Variants in DDX6 observed in about 807,000 individuals in gnomAD.
The protein encoded by DDX6 is probable ATP-dependent RNA helicase DDX6.
A neutral mutation model predicts 60.6 loss-of-function variants in DDX6; 7 were observed. That is an observed-to-expected ratio of 0.12 (90% CI 0.07 to 0.22). The LOEUF (loss-of-function observed/expected upper bound fraction) is 0.22, where lower values mean the gene tolerates loss of function less well. Ranked by LOEUF, DDX6 falls within the 10% of genes least tolerant of loss-of-function variation. DDX6 has a pLI of 1.00. For synonymous variants in DDX6, 207 were observed against 201.0 expected, an observed-to-expected ratio of 1.03 and a Z score of -0.25; for missense variants, 270 against 589.9, an observed-to-expected ratio of 0.46 and a Z score of 5.62.
At chr11:118,783,391 G>A (rs1861967094) in intron 2 of DDX6, among the ~76,000 whole-genome samples, 1 of 152,144 alleles carries the variant, frequency 6.6e-6, no homozygotes, top group African/African-American at 2.4e-5. Flanking sequence ...GTCTTGCTAT[G>A]TTGCCCAGGT....
chr11:118,766,988 C>G lies in DDX6; in HGVS notation c.499+1235G>C, dbSNP rs566662457. ...GCAACCTCCACCTCCCAGGTTCAAG[C>G]AATTCTCCTGCCTCAGCCTCCTTGA... On this transcript the variant is annotated intron_variant, in intron 5 of 13. Transcript: ENST00000534980. Among the ~76,000 whole-genome samples, 55 of 151,946 alleles carry G rather than the reference C, an allele frequency of 3.6e-4. No homozygotes were observed. In the South Asian group the frequency reaches 0.011, roughly 31 times the overall value.
At chr11:118,776,764 C>T (rs1309469867) in intron 4 of DDX6, among the ~76,000 whole-genome samples, 2 of 149,546 alleles carry the variant, frequency 1.3e-5, no homozygotes, top group South Asian at 2.1e-4. Context: ...ACCCAGGAGT[C>T]GGAGATTGCA....
chr11:118,754,012 C>T (rs1051205984), intron 13 of DDX6, among the ~76,000 whole-genome samples: 4 of 152,096 alleles, frequency 2.6e-5, no homozygotes, highest in Non-Finnish European at 5.9e-5. Flanking sequence ...GCACCAGAAT[C>T]GCTTGAACCT....
chr11:118,754,199 G>A (rs1321970581), intron 13 of DDX6, among the ~76,000 whole-genome samples: 2 of 152,238 alleles, frequency 1.3e-5, no homozygotes, highest in Non-Finnish European at 2.9e-5. Context: ...GGAAGCCAAG[G>A]CAGGAGGACT....
intron 2 of DDX6, among the ~76,000 whole-genome samples, chr11:118,782,449 G>A (rs914921384): frequency 1.3e-5 from 2 of 149,986 alleles, no homozygotes; most frequent in Non-Finnish European, 3.0e-5. Context: ...TGCAGACAAA[G>A]TATTTAACTG....
intron 5 of DDX6, among the ~76,000 whole-genome samples, chr11:118,766,058 CG>C (rs1260629370): frequency 6.8e-6 from 1 of 148,080 alleles, no homozygotes; most frequent in African/African-American, 2.6e-5. Context: ...GCAACAAGAG[CG>C]AAACTCCGTC....
rs573402592 is a variant in DDX6 at position 118,770,195 on chromosome 11, C to A, written c.370-1843G>T. 4.7e-5 allele frequency among the ~76,000 whole-genome samples: 7 copies of A among 150,060 alleles called. No homozygotes were observed. The East Asian group carries it at 1.4e-3, about 30-fold the overall frequency. ...CGTGTGCCACCACACCCAGCTAATT[C>A]TTGTATTTTTAGTAGAGACGGGGTG... is the stretch of plus-strand genomic sequence containing the variant. On this transcript the variant is annotated intron_variant, in intron 4 of 13. Transcript: ENST00000534980.
At chr11:118,763,625 G>A (rs1233803300) in intron 6 of DDX6, among the ~76,000 whole-genome samples, 1 of 152,050 alleles carries the variant, frequency 6.6e-6, no homozygotes, top group Non-Finnish European at 1.5e-5. Flanking sequence ...CATGAGGTCA[G>A]GAGTTCGAGA....
intron 4 of DDX6, 32 bp from the exon 5 acceptor site, chr11:118,768,384 C>G: frequency 6.2e-7 from 1 of 1,608,698 alleles, no homozygotes; most frequent in Non-Finnish European, 8.5e-7. Flanking sequence ...AAAATTACTT[C>G]TGAATGTAGT....
At chr11:118,762,900 T>C (rs1315353208) in intron 7 of DDX6, among the ~76,000 whole-genome samples, 1 of 152,188 alleles carries the variant, frequency 6.6e-6, no homozygotes, top group Non-Finnish European at 1.5e-5. Context: ...TTATATGCTT[T>C]TAAAAATTAA....
chr11:118,776,037 AG>A (rs1485609006), intron 4 of DDX6, among the ~76,000 whole-genome samples: 2 of 152,118 alleles, frequency 1.3e-5, no homozygotes, highest in Non-Finnish European at 2.9e-5. Flanking sequence ...ATCCTTACTC[AG>A]GAGGCTGGGG....
At chr11:118,756,111 CAA>C (rs1860968069) in intron 11 of DDX6, 147 bp downstream of exon 11, 12 of 562,972 alleles carry the variant, frequency 2.1e-5, no homozygotes, top group South Asian at 1.9e-4. Context: ...CAGGAGCTGA[CAA>C]GAGTTCATTT....
At chr11:118,768,920 G>A (rs560188621) in intron 4 of DDX6, among the ~76,000 whole-genome samples, 1 of 145,612 alleles carries the variant, frequency 6.9e-6, no homozygotes, top group African/African-American at 2.5e-5. Context: ...TGAGCCAGGA[G>A]GTCAAGGGTG....
At chr11:118,764,819 T>TACACACACACACAC (rs1236783513) in intron 6 of DDX6, among the ~76,000 whole-genome samples, 21 of 17,158 alleles carry the variant, frequency 1.2e-3, no homozygotes, top group Non-Finnish European at 1.8e-3. Flanking sequence ...AAAAAAAAAA[T>TACACACACACACAC]ATACACACAC....
chr11:118,771,523 G>A (rs368745625), intron 4 of DDX6, among the ~76,000 whole-genome samples: 1 of 152,186 alleles, frequency 6.6e-6, no homozygotes, highest in Non-Finnish European at 1.5e-5. Flanking sequence ...CCTCTTACCA[G>A]TGTTTCTCAG....
chr11:118,769,714 T>G (rs1415333059), intron 4 of DDX6, among the ~76,000 whole-genome samples: 1 of 152,146 alleles, frequency 6.6e-6, no homozygotes, highest in African/African-American at 2.4e-5. Flanking sequence ...ATGTGGAATT[T>G]TTTTTTTTGA....
At position 118,758,876 on chromosome 11, in the gene DDX6, C is replaced by T; in HGVS notation, c.891G>A (p.Glu297=). The change falls in exon 9 of 14, where the codon GAG becomes GAA. Residue 297 remains glutamate (E), a synonymous_variant. Coordinates refer to ENST00000534980, the MANE Select transcript of DDX6 (RefSeq NM_004397.6). The part of the protein sequence containing the change: ...FMNSHLQKPY[E]INLMEELTLK... ...GAGTTAGTTCCTCCATCAGGTTAAT[C>T]TCATAGGGTTTCTGCAAATGGGAAT... is the stretch of plus-strand genomic sequence containing the variant. 1.2e-6 allele frequency: 2 copies of T among 1,613,784 alleles called. No homozygotes were observed. The highest frequency in any genetic ancestry group is 1.7e-6 in the Non-Finnish European group (2 of 1,179,810).
chr11:118,756,846 T>C (rs1467102510), intron 10 of DDX6, among the ~76,000 whole-genome samples: 7 of 151,458 alleles, frequency 4.6e-5, no homozygotes, highest in Middle Eastern at 3.2e-3. Context: ...TTGCCACATG[T>C]GGCTATTTAC....
At chr11:118,774,248 A>G (rs1861626907) in intron 4 of DDX6, among the ~76,000 whole-genome samples, 3 of 152,174 alleles carry the variant, frequency 2.0e-5, no homozygotes, top group African/African-American at 7.2e-5. Flanking sequence ...CAAAAACAGT[A>G]TATTCTTAAG....
Sources: gnomAD v4.1 joint callset for allele counts (sites outside exome capture counted in the v4.1 genomes callset) on GRCh38, gnomAD v4.1.1 for gene constraint, MANE v1.5 for transcripts, NCBI Gene and HGNC (gene_info 2026-07-23, HGNC 2026-07-21) for gene names.